BICC1: variants seen among roughly 807,000 people sequenced by gnomAD.
BICC1 encodes protein bicaudal C homolog 1.
BICC1 carries 43 observed loss-of-function variants against 111.0 expected under a neutral mutation model. The ratio of observed to expected loss-of-function variants is 0.39; its 90% CI spans 0.30 to 0.50. BICC1 has a LOEUF of 0.50. BICC1 is among the 20% of genes least tolerant of loss of function. The pLI is 0.88. For missense variants in BICC1, 1,091 were observed against 1,203.2 expected (o/e 0.91, Z 1.38); for synonymous variants, 467 against 434.4 (o/e 1.07, Z -0.93).
At chr10:58,752,883 G>A (rs1238988155) in intron 3 of BICC1, among the ~76,000 whole-genome samples, 3 of 152,142 alleles carry the variant, frequency 2.0e-5, no homozygotes, top group East Asian at 3.9e-4. Context: ...GTGCAGGCTG[G>A]TTCCATTGAC....
chr10:58,794,045 G>C (rs997572712), intron 9 of BICC1, among the ~76,000 whole-genome samples: 3 of 152,036 alleles, frequency 2.0e-5, no homozygotes, highest in Non-Finnish European at 4.4e-5. Context: ...AGTCCATTTA[G>C]AGTAACCATT....
intron 9 of BICC1, among the ~76,000 whole-genome samples, chr10:58,794,068 TTAAA>T (rs1194572670): frequency 6.6e-6 from 1 of 152,086 alleles, no homozygotes; most frequent in Non-Finnish European, 1.5e-5. Context: ...TTTTCCATAG[TTAAA>T]TGAGAAGGAA....
intron 10 of BICC1, 98 bp from the exon 11 acceptor site, chr10:58,798,301 A>AT: frequency 1.1e-6 from 1 of 910,392 alleles, no homozygotes. Flanking sequence ...AAAATATCAG[A>AT]TTATATCATT....
At chr10:58,741,330 G>A (rs2132605225) in intron 3 of BICC1, among the ~76,000 whole-genome samples, 1 of 152,246 alleles carries the variant, frequency 6.6e-6, no homozygotes, top group East Asian at 1.9e-4. Context: ...ATCAATGTGA[G>A]CTTTAACCTT....
At position 58,512,940 on chromosome 10, in the gene BICC1, G is replaced by A. The variant is rs1345072784; in HGVS notation, c.-204G>A. On this transcript the variant is annotated 5_prime_UTR_variant, in exon 1 of 21. In the 5' UTR this introduces an upstream ATG that the reference lacks. Transcript: ENST00000373886. ...ACCCGGACCGGGGCCGCGACCCGGG[G>A]TGGCGGGTGGCGTGGGCGGCGCCCG... is the stretch of plus-strand genomic sequence containing the variant. 1.4e-5 allele frequency among the ~76,000 whole-genome samples: 2 copies of A among 147,252 alleles called. No homozygotes were observed. Among genetic ancestry groups the A allele is most frequent in the Non-Finnish European group, 3.0e-5 (2 of 66,142 alleles).
Position 58,537,442 on chromosome 10 carries a change from T to C in BICC1, c.190+24109T>C, listed in dbSNP as rs1272819239. The stretch of plus-strand genomic sequence containing the variant: ...TTTGATAAAATCTGGTATCCCTTTA[T>C]GATAAAAATTCTCAACAAACTAGTT... On this transcript the variant is annotated intron_variant, in intron 1 of 20. Coordinates refer to ENST00000373886, the MANE Select transcript of BICC1 (RefSeq NM_001080512.3). Among the ~76,000 whole-genome samples the C allele has an allele frequency of 3.3e-5, 5 of 151,782 alleles. No individual in the cohort carries two copies. The South Asian group carries it at 1.0e-3, about 31-fold the overall frequency.
chr10:58,687,961 G>T (rs970775538), intron 2 of BICC1, among the ~76,000 whole-genome samples: 1 of 152,186 alleles, frequency 6.6e-6, no homozygotes, highest in East Asian at 1.9e-4. Context: ...GACTGGAGTT[G>T]TTCCTATTTG....
At chr10:58,781,363 G>GTAT (rs1461055049) in intron 3 of BICC1, among the ~76,000 whole-genome samples, 1 of 152,126 alleles carries the variant, frequency 6.6e-6, no homozygotes, top group Non-Finnish European at 1.5e-5. Context: ...TTCAGCAACA[G>GTAT]CTTATTGAGT....
At chr10:58,676,507 C>G (rs1339642534) in intron 2 of BICC1, among the ~76,000 whole-genome samples, 2 of 152,204 alleles carry the variant, frequency 1.3e-5, no homozygotes, top group African/African-American at 4.8e-5. Flanking sequence ...TAGATTCCTC[C>G]TCTCTGGGCA....
chr10:58,791,348 T>A (rs1053519009), intron 8 of BICC1, among the ~76,000 whole-genome samples: 3 of 152,226 alleles, frequency 2.0e-5, no homozygotes, highest in Non-Finnish European at 4.4e-5. Flanking sequence ...ATGACTCATA[T>A]TATTGCACAA....
chr10:58,759,484 G>T (rs552636937), intron 3 of BICC1, among the ~76,000 whole-genome samples: 1 of 152,134 alleles, frequency 6.6e-6, no homozygotes, highest in African/African-American at 2.4e-5. Context: ...GGTATTTATT[G>T]TATGTATTTG....
chr10:58,560,614 G>C (rs1438479496), intron 1 of BICC1, among the ~76,000 whole-genome samples: 1 of 148,980 alleles, frequency 6.7e-6, no homozygotes, highest in Admixed American at 6.7e-5. Context: ...TAGAAGGAAA[G>C]ATTTGCTTTT....
chr10:58,739,031 CAG>C (rs1375134564), intron 3 of BICC1, among the ~76,000 whole-genome samples: 2 of 152,072 alleles, frequency 1.3e-5, no homozygotes, highest in African/African-American at 4.8e-5. Context: ...CATCTGCAAA[CAG>C]GGACAATTTG....
At chr10:58,726,368 T>G (rs1438339181) in intron 3 of BICC1, among the ~76,000 whole-genome samples, 1 of 152,220 alleles carries the variant, frequency 6.6e-6, no homozygotes, top group African/African-American at 2.4e-5. Context: ...TTCAATGAGA[T>G]GAGCATCGCA....
chr10:58,599,011 T>C (rs1018395066), intron 1 of BICC1, among the ~76,000 whole-genome samples: 4 of 152,148 alleles, frequency 2.6e-5, no homozygotes, highest in Admixed American at 6.5e-5. Flanking sequence ...CAACAGATGC[T>C]GGAGAGGATG....
Position 58,716,937 on chromosome 10 carries a change from G to A in BICC1, c.307+14794G>A, listed in dbSNP as rs546582825. Among the ~76,000 whole-genome samples, 14 of 149,256 alleles carry A rather than the reference G, an allele frequency of 9.4e-5. 1 individual carries two copies. In the East Asian group the frequency reaches 1.9e-3, roughly 21 times the overall value. The stretch of plus-strand genomic sequence containing the variant: ...ACTGAGCTTAGTGTCATCCTTGGAT[G>A]CTGTCATATGCTGCTTTGAGTGAAC... On this transcript the variant is annotated intron_variant, in intron 3 of 20. Coordinates refer to ENST00000373886, the MANE Select transcript of BICC1 (RefSeq NM_001080512.3).
At chr10:58,799,313 G>A in intron 12 of BICC1, 61 bp downstream of exon 12, 1 of 1,336,894 alleles carries the variant, frequency 7.5e-7, no homozygotes. Flanking sequence ...ACAAACCCCT[G>A]GTAAAGTTAA....
intron 1 of BICC1, among the ~76,000 whole-genome samples, chr10:58,597,090 A>G (rs376847981): frequency 6.6e-6 from 1 of 152,198 alleles, no homozygotes; most frequent in South Asian, 2.1e-4. Context: ...CAATATTTCA[A>G]TGTAAGTTCT....
At chr10:58,525,089 T>C (rs1424960478) in intron 1 of BICC1, among the ~76,000 whole-genome samples, 1 of 143,246 alleles carries the variant, frequency 7.0e-6, no homozygotes, top group African/African-American at 2.5e-5. Flanking sequence ...TGTGGAGAAA[T>C]AGGAACACTT....
Sources: gnomAD v4.1 joint callset for allele counts (sites outside exome capture counted in the v4.1 genomes callset) on GRCh38, gnomAD v4.1.1 for gene constraint, MANE v1.5 for transcripts, NCBI Gene and HGNC (gene_info 2026-07-23, HGNC 2026-07-21) for gene names.